Variants in PAPSS1 observed in about 807,000 individuals in gnomAD.
PAPSS1 encodes the protein bifunctional 3'-phosphoadenosine 5'-phosphosulfate synthase 1.
In PAPSS1, 50 loss-of-function variants were observed where a neutral mutation model predicts 72.0. That is an observed-to-expected ratio of 0.69 (90% CI 0.55 to 0.88). The LOEUF (loss-of-function observed/expected upper bound fraction) is 0.88. PAPSS1 is among the 40% of genes least tolerant of loss of function. PAPSS1 has a pLI of 0.00. For synonymous variants in PAPSS1, 261 were observed against 263.6 expected (o/e 0.99, Z 0.09); for missense variants, 657 against 782.2 (o/e 0.84, Z 1.91).
intron 10 of PAPSS1, among the ~76,000 whole-genome samples, chr4:107,635,286 AAGTG>A (rs1410668889): frequency 2.0e-5 from 3 of 152,198 alleles, no homozygotes; most frequent in African/African-American, 7.2e-5. Flanking sequence ...TAAAAACAAA[AAGTG>A]AGAGAAAAAA....
At chr4:107,677,517 A>G (rs531151111) in intron 5 of PAPSS1, among the ~76,000 whole-genome samples, 450 of 152,340 alleles carry the variant, frequency 3.0e-3, no homozygotes, top group African/African-American at 0.01. Flanking sequence ...AATGGCGATC[A>G]TTAAAAAGTC....
chr4:107,674,567 C>A (rs1727584532), intron 5 of PAPSS1, among the ~76,000 whole-genome samples: 1 of 152,124 alleles, frequency 6.6e-6, no homozygotes, highest in Non-Finnish European at 1.5e-5. Context: ...GACTTAGACT[C>A]CCACACAATA....
Position 107,614,310 on chromosome 4 carries a change from A to C in PAPSS1, c.1814T>G (p.Phe605Cys). 6.2e-7 allele frequency: 1 copy of C among 1,614,064 alleles called. No individual in the cohort carries two copies. The highest frequency in any genetic ancestry group is 1.7e-5 in the Admixed American group (1 of 60,016). ...CACGGTCCAAGCCTTGGGAGCCATG[A>C]AACCTTCAGGTGGTTTCTGGCCTTC... is the stretch of plus-strand genomic sequence containing the variant. ...AREGQKPPEG[F>C]MAPKAWTVLT... The change falls in exon 12 of 12, where the codon TTC becomes TGC. Residue 605 changes from phenylalanine to cysteine, a missense_variant. Physicochemically the swap from Phe to Cys is radical, Grantham distance 205 (BLOSUM62 -2). Coordinates refer to ENST00000265174, the MANE Select transcript of PAPSS1 (RefSeq NM_005443.5).
chr4:107,706,588 T>G (rs2125939376), intron 1 of PAPSS1, among the ~76,000 whole-genome samples: 1 of 152,336 alleles, frequency 6.6e-6, no homozygotes, highest in Non-Finnish European at 1.5e-5. Flanking sequence ...TTTTTAATTC[T>G]TTTTCAGGCA....
intron 1 of PAPSS1, among the ~76,000 whole-genome samples, chr4:107,719,514 T>C (rs561011137): frequency 1.3e-5 from 2 of 152,326 alleles, no homozygotes; most frequent in South Asian, 4.1e-4. Flanking sequence ...TCCTACTTGT[T>C]AAACATTCCG....
intron 5 of PAPSS1, among the ~76,000 whole-genome samples, chr4:107,668,213 G>A (rs1352323237): frequency 1.3e-5 from 2 of 152,150 alleles, no homozygotes; most frequent in Admixed American, 6.5e-5. Context: ...AACTATCTGG[G>A]ACAAATAACT....
At chr4:107,696,010 A>C (rs1354208699) in intron 2 of PAPSS1, among the ~76,000 whole-genome samples, 1 of 152,208 alleles carries the variant, frequency 6.6e-6, no homozygotes, top group East Asian at 1.9e-4. Context: ...GCAAATCAAA[A>C]CCACAATGAG....
chr4:107,646,029 T>A (rs1014303216), intron 9 of PAPSS1, among the ~76,000 whole-genome samples: 7 of 152,182 alleles, frequency 4.6e-5, no homozygotes, highest in African/African-American at 1.2e-4. Flanking sequence ...TACAGCATGA[T>A]CATTACTCTT....
At chr4:107,617,819 T>C (rs1202621986) in intron 11 of PAPSS1, among the ~76,000 whole-genome samples, 1 of 152,294 alleles carries the variant, frequency 6.6e-6, no homozygotes, top group East Asian at 1.9e-4. Flanking sequence ...CCCACCTCTA[T>C]CATATTCAAT....
rs576510863 is a variant in PAPSS1, at chr4:107,699,825, T to G, written c.175+1346A>C. On this transcript the variant is annotated intron_variant, in intron 2 of 11. Coordinates refer to ENST00000265174, the MANE Select transcript of PAPSS1 (RefSeq NM_005443.5). ...AAATATATATTTTACCCAGCCAAGT[T>G]GGCATAAAAGGTAGTCATTCTCAAA... is the stretch of plus-strand genomic sequence containing the variant. Among the ~76,000 whole-genome samples, 14 of 152,330 alleles carry G rather than the reference T, an allele frequency of 9.2e-5. No individual in the cohort carries two copies. In the East Asian group the frequency reaches 2.7e-3, roughly 29 times the overall value.
chr4:107,647,028 C>T (rs1346513053), intron 9 of PAPSS1, among the ~76,000 whole-genome samples: 1 of 152,134 alleles, frequency 6.6e-6, no homozygotes, highest in Non-Finnish European at 1.5e-5. Flanking sequence ...CTCCCCTACC[C>T]AACTTTACAC....
chr4:107,700,014 G>A (rs1723167872), intron 2 of PAPSS1, among the ~76,000 whole-genome samples: 1 of 152,158 alleles, frequency 6.6e-6, no homozygotes, highest in Admixed American at 6.6e-5. Flanking sequence ...CCCATTAAGT[G>A]CTATAAACCT....
intron 2 of PAPSS1, among the ~76,000 whole-genome samples, chr4:107,694,908 T>C (rs1028679701): frequency 6.6e-6 from 1 of 151,810 alleles, no homozygotes; most frequent in Non-Finnish European, 1.5e-5. Flanking sequence ...AATGTACCAA[T>C]GCTCTTGAAA....
In PAPSS1 at chr4:107,650,401, T is replaced by C. The variant is rs529557601; in HGVS notation, c.1237+3090A>G. Reference sequence around the variant, plus strand: ...AACACATTCTCTAAATGACTTAAAATGTTTGGCTCACAAAGAAGAGTGAAA... The same window carrying C: ...AACACATTCTCTAAATGACTTAAAACGTTTGGCTCACAAAGAAGAGTGAAA... On this transcript the variant is annotated intron_variant, in intron 9 of 11. Coordinates refer to ENST00000265174, the MANE Select transcript of PAPSS1 (RefSeq NM_005443.5). Among the ~76,000 whole-genome samples, 12 of 144,968 alleles carry C rather than the reference T, an allele frequency of 8.3e-5. No homozygotes were observed. In the South Asian group the frequency reaches 2.7e-3, roughly 32 times the overall value.
At chr4:107,693,628 A>G in intron 3 of PAPSS1, 143 bp downstream of exon 3, 1 of 626,376 alleles carries the variant, frequency 1.6e-6, no homozygotes, top group East Asian at 2.7e-5. Flanking sequence ...TTTTAATCCT[A>G]TGTTACAGGA....
chr4:107,703,497 T>C (rs1723258735), intron 1 of PAPSS1, among the ~76,000 whole-genome samples: 1 of 152,148 alleles, frequency 6.6e-6, no homozygotes, highest in African/African-American at 2.4e-5. Context: ...CTTTCTGATC[T>C]TACATGTAAA....
intron 11 of PAPSS1, among the ~76,000 whole-genome samples, chr4:107,620,461 A>T (rs2110295701): frequency 6.6e-6 from 1 of 152,370 alleles, no homozygotes; most frequent in East Asian, 1.9e-4. Context: ...GACATGAAAA[A>T]TTGAATTATC....
At position 107,656,569 on chromosome 4, in the gene PAPSS1, G is replaced by A. The variant is rs565457268; in HGVS notation, c.895+327C>T. Among the ~76,000 whole-genome samples the A allele has an allele frequency of 2.0e-5, 3 of 152,270 alleles. No homozygotes were observed. The East Asian group carries it at 5.8e-4, about 29-fold the overall frequency. ...GCTTCAGTACTGCAAAACGCAGCAC[G>A]TACATGCCCTGGGTGGGAAGCAGCT... is the stretch of plus-strand genomic sequence containing the variant. On this transcript the variant is annotated intron_variant, in intron 7 of 11. Coordinates refer to ENST00000265174, the MANE Select transcript of PAPSS1 (RefSeq NM_005443.5).
intron 1 of PAPSS1, among the ~76,000 whole-genome samples, chr4:107,709,642 C>T (rs1331789440): frequency 6.6e-6 from 1 of 152,136 alleles, no homozygotes; most frequent in Non-Finnish European, 1.5e-5. Context: ...TTTGAGATGT[C>T]TTTTCAGGTT....
Sources: gnomAD v4.1 joint callset for allele counts (sites outside exome capture counted in the v4.1 genomes callset) on GRCh38, gnomAD v4.1.1 for gene constraint, MANE v1.5 for transcripts, NCBI Gene and HGNC (gene_info 2026-07-23, HGNC 2026-07-21) for gene names.